The following LRP1B variants were observed in gnomAD, a reference collection of about 807,000 sequenced individuals.
The protein encoded by LRP1B is low-density lipoprotein receptor-related protein 1B.
Under a neutral mutation model 556.6 loss-of-function variants are expected in LRP1B, and 217 were observed. The observed-to-expected ratio is 0.39, with a 90% CI of 0.35 to 0.44. LRP1B has a LOEUF of 0.44. Among genes scored for constraint, LRP1B ranks in the 20% least tolerant of loss-of-function variants. The pLI, the probability that LRP1B is intolerant of heterozygous loss-of-function variation, is 1.00. For synonymous variants in LRP1B, 2,047 were observed against 1,865.8 expected (o/e 1.10, Z -2.50); for missense variants, 5,053 against 5,620.8 (o/e 0.90, Z 3.23).
intron 2 of LRP1B, among the ~76,000 whole-genome samples, chr2:141,498,802 C>T (rs1382598595): frequency 1.3e-5 from 2 of 152,042 alleles, no homozygotes; most frequent in African/African-American, 2.4e-5. Context: ...CACAGACATT[C>T]TCTGCATGCT....
At chr2:141,936,236 CA>C (rs1700632932) in intron 1 of LRP1B, among the ~76,000 whole-genome samples, 1 of 151,342 alleles carries the variant, frequency 6.6e-6, no homozygotes, top group Non-Finnish European at 1.5e-5. Context: ...AAAGCAAAAC[CA>C]AAAACAAAAC....
At chr2:141,497,859 G>A (rs1559105801) in intron 2 of LRP1B, among the ~76,000 whole-genome samples, 1 of 151,778 alleles carries the variant, frequency 6.6e-6, no homozygotes, top group Non-Finnish European at 1.5e-5. Flanking sequence ...TAACTTTTAT[G>A]AAAATAAGAG....
chr2:140,594,598 A>G (rs1201016872), intron 43 of LRP1B, among the ~76,000 whole-genome samples: 1 of 152,132 alleles, frequency 6.6e-6, no homozygotes, highest in Admixed American at 6.5e-5. Context: ...AATTAACTTA[A>G]ATATAGGTTA....
At chr2:140,244,888 G>C (rs187691687) in intron 87 of LRP1B, among the ~76,000 whole-genome samples, 3 of 151,256 alleles carry the variant, frequency 2.0e-5, no homozygotes, top group Admixed American at 1.3e-4. Context: ...CTCAAGTTTG[G>C]GGAAGGTTTG....
intron 3 of LRP1B, among the ~76,000 whole-genome samples, chr2:141,438,174 T>C (rs1488840259): frequency 6.6e-6 from 1 of 152,148 alleles, no homozygotes; most frequent in Non-Finnish European, 1.5e-5. Flanking sequence ...AGTTTAAACA[T>C]ATCAGGATAG....
intron 3 of LRP1B, among the ~76,000 whole-genome samples, chr2:141,386,335 T>A (rs191686092): frequency 1.9e-4 from 29 of 152,252 alleles, no homozygotes; most frequent in Middle Eastern, 3.4e-3. Context: ...GAAAACAAGT[T>A]ATAAAGTGGC....
chr2:141,049,350 T>G, intron 10 of LRP1B, 128 bp from the exon 11 acceptor site: 1 of 675,072 alleles, frequency 1.5e-6, no homozygotes. Flanking sequence ...AACTCTAAAA[T>G]ATGCCAAATG....
At chr2:141,815,088 G>A (rs764656533) in intron 1 of LRP1B, among the ~76,000 whole-genome samples, 30 of 152,154 alleles carry the variant, frequency 2.0e-4, no homozygotes, top group Non-Finnish European at 4.4e-4. Context: ...CATACCACTA[G>A]AGGAAGAGAG....
intron 61 of LRP1B, among the ~76,000 whole-genome samples, 153 bp downstream of exon 61, chr2:140,457,310 T>C (rs1443816087): frequency 6.6e-6 from 1 of 152,204 alleles, no homozygotes; most frequent in African/African-American, 2.4e-5. Flanking sequence ...CAGTACTTCA[T>C]ATTGACTGAA....
chr2:141,552,201 C>T (rs1462088052), intron 2 of LRP1B, among the ~76,000 whole-genome samples: 3 of 151,928 alleles, frequency 2.0e-5, no homozygotes, highest in Non-Finnish European at 4.4e-5. Flanking sequence ...GACTCAAGGA[C>T]AAAATTATTT....
At chr2:141,466,634 T>G (rs1486483063) in intron 3 of LRP1B, among the ~76,000 whole-genome samples, 1 of 152,108 alleles carries the variant, frequency 6.6e-6, no homozygotes, top group African/African-American at 2.4e-5. Flanking sequence ...TTTGGTCTTC[T>G]TCCTTCCTCC....
At chr2:140,958,478 G>C (rs1695940457) in intron 18 of LRP1B, among the ~76,000 whole-genome samples, 1 of 151,464 alleles carries the variant, frequency 6.6e-6, no homozygotes, top group South Asian at 2.1e-4. Flanking sequence ...TTACTAAACT[G>C]GAAGATCTGA....
intron 6 of LRP1B, among the ~76,000 whole-genome samples, chr2:141,213,230 C>T (rs1682645473): frequency 6.6e-6 from 1 of 151,674 alleles, no homozygotes; most frequent in Non-Finnish European, 1.5e-5. Flanking sequence ...GGATTACAGA[C>T]ATGAGCCCCC....
chr2:141,712,972 C>A (rs375355462), intron 2 of LRP1B, among the ~76,000 whole-genome samples: 1 of 151,722 alleles, frequency 6.6e-6, no homozygotes, highest in Non-Finnish European at 1.5e-5. Flanking sequence ...GCCACGACGT[C>A]CAGCCAATTA....
At chr2:141,303,252 C>A (rs1686461820) in intron 3 of LRP1B, among the ~76,000 whole-genome samples, 1 of 152,084 alleles carries the variant, frequency 6.6e-6, no homozygotes, top group Non-Finnish European at 1.5e-5. Context: ...TATCCATCAC[C>A]TTGAGTACCT....
intron 11 of LRP1B, among the ~76,000 whole-genome samples, chr2:141,026,402 G>T (rs1371950631): frequency 6.6e-6 from 1 of 151,980 alleles, no homozygotes; most frequent in African/African-American, 2.4e-5. Context: ...AAAAGACAAG[G>T]TATCATATAC....
At chr2:140,483,615 C>CACATATATAT (rs1403726877) in intron 59 of LRP1B, among the ~76,000 whole-genome samples, 3 of 88,354 alleles carry the variant, frequency 3.4e-5, no homozygotes, top group African/African-American at 9.1e-5. Context: ...CACACACACA[C>CACATATATAT]ATATATATAT....
chr2:140,749,380 T>G (rs1394281730), intron 35 of LRP1B, among the ~76,000 whole-genome samples: 1 of 151,582 alleles, frequency 6.6e-6, no homozygotes, highest in East Asian at 1.9e-4. Context: ...TTAAACATTT[T>G]TTTTTTACTC....
At chr2:141,081,642 G>A (rs1050825703) in intron 7 of LRP1B, among the ~76,000 whole-genome samples, 4 of 152,090 alleles carry the variant, frequency 2.6e-5, no homozygotes, top group Non-Finnish European at 2.9e-5. Flanking sequence ...GGTAGGTAGG[G>A]AAAAATAGCT....
Sources: gnomAD v4.1 joint callset for allele counts (sites outside exome capture counted in the v4.1 genomes callset) on GRCh38, gnomAD v4.1.1 for gene constraint, MANE v1.5 for transcripts, NCBI Gene and HGNC (gene_info 2026-07-23, HGNC 2026-07-21) for gene names.